Variants in ADGRA2 observed in about 807,000 individuals in gnomAD.
ADGRA2 encodes the protein G-protein coupled receptor 124.
Under a neutral mutation model 98.7 loss-of-function variants are expected in ADGRA2, and 61 were observed. The ratio of observed to expected loss-of-function variants is 0.62; its 90% CI spans 0.50 to 0.76. The LOEUF (loss-of-function observed/expected upper bound fraction) is 0.76. Ranked by LOEUF, ADGRA2 falls within the 30% of genes least tolerant of loss-of-function variation. The probability of loss-of-function intolerance (pLI) is 0.00; values close to 1 mark genes in which losing one functional copy is unlikely to be tolerated. For missense variants in ADGRA2, 1,712 were observed against 1,860.0 expected, an observed-to-expected ratio of 0.92 and a Z score of 1.46; for synonymous variants, 858 against 831.5, an observed-to-expected ratio of 1.03 and a Z score of -0.55.
intron 13 of ADGRA2, among the ~76,000 whole-genome samples, 182 bp from the exon 14 acceptor site, chr8:37,837,549 G>A (rs966615436): frequency 3.9e-5 from 6 of 152,178 alleles, no homozygotes; most frequent in African/African-American, 1.4e-4. Flanking sequence ...ACCCCCTCCA[G>A]GGTCCCCCAT....
At chr8:37,840,608 C>A in intron 17 of ADGRA2, 152 bp from the exon 18 acceptor site, 1 of 648,142 alleles carries the variant, frequency 1.5e-6, no homozygotes, top group South Asian at 1.8e-5. Context: ...TCCAAGTAGT[C>A]CCTGCAGGGA....
intron 2 of ADGRA2, among the ~76,000 whole-genome samples, chr8:37,818,944 C>G (rs1805055733): frequency 6.6e-6 from 1 of 152,162 alleles, no homozygotes; most frequent in Admixed American, 6.5e-5. Context: ...AGAGAGCAGG[C>G]ATTGCCAAGG....
Position 37,842,072 on chromosome 8 carries a change from A to G in ADGRA2, c.3734A>G (p.Glu1245Gly). 2 of 1,516,884 alleles carry G rather than the reference A, an allele frequency of 1.3e-6. No individual in the cohort carries two copies. The highest frequency in any genetic ancestry group is 1.8e-6 in the Non-Finnish European group (2 of 1,139,870). 94.0% of individuals were successfully genotyped at this position (1,516,884 alleles called of 1,614,324 possible). ...RNSPGAGLQL[E>G]GEPMLTPSEG... ...AGCCCGGGCGCCGGCCTGCAGCTGG[A>G]AGGCGAGCCCATGCTCACGCCGTCC... The change falls in exon 19 of 19, where the codon GAA (glutamate) becomes GGA (glycine). Residue 1245 changes from glutamate to glycine, a missense_variant. Coordinates refer to ENST00000412232, the MANE Select transcript of ADGRA2 (RefSeq NM_032777.10).
At position 37,814,529 on chromosome 8, in the gene ADGRA2, G is replaced by C. The variant is rs1804924566; in HGVS notation, c.267-367G>C. ...CTTCGGGATATTGGGTGAAGGGCTT[G>C]AGCAAGGATGGAACTGTGAAGGGCA... On this transcript the variant is annotated intron_variant, in intron 1 of 18. Coordinates refer to ENST00000412232, the MANE Select transcript of ADGRA2 (RefSeq NM_032777.10). The surrounding 1 kb of genome is among the most constrained non-coding windows in gnomAD (Gnocchi z 4.3). Among the ~76,000 whole-genome samples, 2 of 152,246 alleles carry C rather than the reference G, an allele frequency of 1.3e-5. No individual in the cohort carries two copies. The highest frequency in any genetic ancestry group is 2.9e-5 in the Non-Finnish European group (2 of 68,046).
Position 37,835,750 on chromosome 8 carries a change from C to T in ADGRA2, c.2030C>T (p.Pro677Leu). The change falls in exon 13 of 19, where the codon CCC (proline) becomes CTC (leucine). Residue 677 changes from proline to leucine, a missense_variant. By Grantham distance (98) the Pro-to-Leu change is moderately conservative (BLOSUM62 -3). Coordinates refer to ENST00000412232, the MANE Select transcript of ADGRA2 (RefSeq NM_032777.10). ...GGCAAGAGGCGTGGCGTGGCCACCC[C>T]CGTCATCTTCGCAGGAACCAGTAAG... ...GPGKRRGVAT[P>L]VIFAGTSGCG... 4 of 1,612,164 alleles carry T rather than the reference C, an allele frequency of 2.5e-6. No homozygotes were observed. The highest frequency in any genetic ancestry group is 3.4e-6 in the Non-Finnish European group (4 of 1,178,632).
chr8:37,820,924 G>A (rs950512685), intron 2 of ADGRA2, among the ~76,000 whole-genome samples: 1 of 151,926 alleles, frequency 6.6e-6, no homozygotes, highest in Non-Finnish European at 1.5e-5. Flanking sequence ...AGAGAGGTTG[G>A]GGGTAGGGGT....
At chr8:37,798,181 G>C (rs1204058765) in intron 1 of ADGRA2, among the ~76,000 whole-genome samples, 1 of 152,172 alleles carries the variant, frequency 6.6e-6, no homozygotes, top group Non-Finnish European at 1.5e-5. Flanking sequence ...CCTCTCCCAC[G>C]GCGCCGTTTG....
chr8:37,807,295 G>A (rs1185786769), intron 1 of ADGRA2, among the ~76,000 whole-genome samples: 1 of 152,208 alleles, frequency 6.6e-6, no homozygotes, highest in East Asian at 1.9e-4. Flanking sequence ...ACGGAGGGAC[G>A]GGAAGCCACA....
At position 37,797,348 on chromosome 8, in the gene ADGRA2, T is replaced by C. The variant is rs1327787471; in HGVS notation, c.80T>C (p.Leu27Pro). Residue 27 changes from leucine (L) to proline (P), a missense_variant, in exon 1 of 19, where the codon CTG (leucine) becomes CCG (proline). Physicochemically the swap from Leu to Pro is moderately conservative, Grantham distance 98 (BLOSUM62 -3). Transcript: ENST00000412232. This position sits in a 1 kb window ranked among gnomAD's most constrained non-coding sequence, Gnocchi z 5.3. ...LPLLPWLLLL[L>P]APEARGAPGC... ...CTGCTGCCGTGGCTCCTGCTGCTCC[T>C]GGCGCCCGAGGCTCGGGGCGCGCCC... 6.4e-6 allele frequency: 9 copies of C among 1,402,300 alleles called. No individual in the cohort carries two copies. Among genetic ancestry groups the C allele is most frequent in the East Asian group, 3.1e-5 (1 of 32,738 alleles). The allele number at this position is 1,402,300 out of a possible 1,614,324, so 86.9% of individuals were successfully genotyped here. A position where few individuals can be genotyped will look rare whatever the true frequency, so the allele number is the denominator to read the frequency against.
intron 12 of ADGRA2, 21 bp from the exon 13 acceptor site, chr8:37,835,533 G>A (rs771740866): frequency 6.4e-7 from 1 of 1,556,100 alleles, no homozygotes; most frequent in Non-Finnish European, 8.9e-7. Context: ...GTGTCTCTGA[G>A]GAGCTCCTAT....
chr8:37,803,663 C>T (rs551233767), intron 1 of ADGRA2, among the ~76,000 whole-genome samples: 55 of 152,156 alleles, frequency 3.6e-4, no homozygotes, highest in African/African-American at 1.1e-3. Flanking sequence ...GCAGAGAAGC[C>T]GTGGAGTGTA....
At chr8:37,816,407 A>G (rs763223784) in intron 2 of ADGRA2, among the ~76,000 whole-genome samples, 1 of 152,180 alleles carries the variant, frequency 6.6e-6, no homozygotes, top group African/African-American at 2.4e-5. Context: ...AACCTGGCCA[A>G]CATGGTAAAA....
At chr8:37,819,187 C>T (rs1237917860) in intron 2 of ADGRA2, among the ~76,000 whole-genome samples, 4 of 152,060 alleles carry the variant, frequency 2.6e-5, no homozygotes, top group East Asian at 3.9e-4. Flanking sequence ...ACACCCACAG[C>T]GCCCATAAGG....
chr8:37,801,490 G>C (rs879797103), intron 1 of ADGRA2, among the ~76,000 whole-genome samples: 3 of 152,204 alleles, frequency 2.0e-5, no homozygotes, highest in Non-Finnish European at 4.4e-5. Context: ...GCAGCTGAGG[G>C]CTGAGGTTCT....
Position 37,842,368 on chromosome 8 carries a change from GACGCGGTAGACGGGCTGGCC to G in ADGRA2, c.*20_*39del, listed in dbSNP as rs775174299. 13 of 1,450,700 alleles carry G rather than the reference GACGCGGTAGACGGGCTGGCC, an allele frequency of 9.0e-6. No homozygotes were observed. Among genetic ancestry groups the G allele is most frequent in the Non-Finnish European group, 3.6e-6 (4 of 1,103,824 alleles). 89.9% of individuals were successfully genotyped at this position (1,450,700 alleles called of 1,614,324 possible). On this transcript the variant is annotated 3_prime_UTR_variant, in exon 19 of 19. Coordinates refer to ENST00000412232, the MANE Select transcript of ADGRA2 (RefSeq NM_032777.10). ...AACTACCGTCTAAGGTGGGGCGGGCGACGCGGTAGACGGGCTGGCCACGCGGCTCGTTCCCCCGCTCCTCG... is the reference window on the plus strand; with the variant it reads ...AACTACCGTCTAAGGTGGGGCGGGCGACGCGGCTCGTTCCCCCGCTCCTCG...
chr8:37,829,153 T>C, intron 3 of ADGRA2, 108 bp from the exon 4 acceptor site: 1 of 940,034 alleles, frequency 1.1e-6, no homozygotes, highest in East Asian at 2.4e-5. Flanking sequence ...CATCTCCTTT[T>C]TCATCCCACC....
intron 2 of ADGRA2, among the ~76,000 whole-genome samples, chr8:37,828,640 A>ATTTTTTT (rs148517222): frequency 7.4e-6 from 1 of 134,776 alleles, no homozygotes. Flanking sequence ...CACCTGGCTA[A>ATTTTTTT]TTTTTTTTTT....
At chr8:37,812,025 C>T (rs868392093) in intron 1 of ADGRA2, among the ~76,000 whole-genome samples, 1 of 151,802 alleles carries the variant, frequency 6.6e-6, no homozygotes, top group African/African-American at 2.4e-5. Context: ...TCACTTGAAC[C>T]CGAGAGGCGG....
chr8:37,840,457 G>A (rs569331955), intron 17 of ADGRA2, among the ~76,000 whole-genome samples, 191 bp downstream of exon 17: 2 of 152,188 alleles, frequency 1.3e-5, no homozygotes, highest in South Asian at 2.1e-4. Flanking sequence ...GGGCTTCTGG[G>A]GCATGACAAA....
Sources: allele counts gnomAD v4.1 joint callset (sites outside exome capture counted in the v4.1 genomes callset), GRCh38; gene constraint gnomAD v4.1.1; non-coding constraint Gnocchi (gnomAD v3.1); transcripts MANE v1.5; gene names NCBI Gene and HGNC (gene_info 2026-07-23, HGNC 2026-07-21).